The following COBL variants were observed in gnomAD, a reference collection of about 807,000 sequenced individuals.
COBL encodes the protein protein cordon-bleu.
A neutral mutation model predicts 98.8 loss-of-function variants in COBL; 51 were observed. The observed-to-expected ratio is 0.52, with a 90% CI of 0.41 to 0.65. COBL has a LOEUF of 0.65. COBL is among the 30% of genes least tolerant of loss of function. The pLI, the probability that COBL is intolerant of heterozygous loss-of-function variation, is 0.00. For missense variants in COBL, 1,617 were observed against 1,617.5 expected, an observed-to-expected ratio of 1.00 and a Z score of 0.01; for synonymous variants, 634 against 651.7, an observed-to-expected ratio of 0.97 and a Z score of 0.41.
chr7:51,306,183 G>A (rs1802458006), intron 1 of COBL, among the ~76,000 whole-genome samples: 1 of 152,160 alleles, frequency 6.6e-6, no homozygotes, highest in East Asian at 1.9e-4. Context: ...GAGGCGGCTT[G>A]GAAGTGCCAC....
intron 6 of COBL, among the ~76,000 whole-genome samples, chr7:51,118,693 T>A (rs750206097): frequency 5.3e-5 from 8 of 152,182 alleles, no homozygotes; most frequent in Admixed American, 3.3e-4. Context: ...TTTACGCTTC[T>A]ATAATCTGGG....
chr7:51,237,483 G>A (rs781039544), intron 1 of COBL, among the ~76,000 whole-genome samples: 7 of 148,274 alleles, frequency 4.7e-5, no homozygotes, highest in African/African-American at 1.2e-4. Flanking sequence ...TTACTTTTAC[G>A]GTTTGCCGAT....
intron 6 of COBL, among the ~76,000 whole-genome samples, chr7:51,089,026 G>A (rs974055651): frequency 1.3e-5 from 2 of 152,162 alleles, no homozygotes; most frequent in South Asian, 2.1e-4. Context: ...GCAGGCAGGG[G>A]TATGGAGATC....
chr7:51,018,863 C>G (rs1173732601), intron 12 of COBL, among the ~76,000 whole-genome samples: 2 of 114,670 alleles, frequency 1.7e-5, no homozygotes, highest in African/African-American at 3.2e-5. Context: ...TGCACTCCAG[C>G]CTGGGCAACA....
intron 6 of COBL, among the ~76,000 whole-genome samples, chr7:51,133,832 C>T (rs1190347207): frequency 1.3e-5 from 2 of 152,136 alleles, no homozygotes; most frequent in East Asian, 3.8e-4. Context: ...AATCAGGTGA[C>T]AAATACTAAC....
chr7:51,074,091 C>T lies in COBL; in HGVS notation c.1096+11075G>A, dbSNP rs575414075. On this transcript the variant is annotated intron_variant, in intron 7 of 12. Transcript: ENST00000265136. ...GCCATGCCTGAGTGCACATCAGCAC[C>T]CAAAACCTCCTGAGACAAACAGTTT... 2.6e-5 allele frequency among the ~76,000 whole-genome samples: 4 copies of T among 152,016 alleles called. No homozygotes were observed. The East Asian group carries it at 7.7e-4, about 29-fold the overall frequency.
intron 7 of COBL, among the ~76,000 whole-genome samples, chr7:51,062,563 A>G (rs1396404831): frequency 6.6e-6 from 1 of 152,234 alleles, no homozygotes; most frequent in Non-Finnish European, 1.5e-5. Flanking sequence ...AAACTAGACC[A>G]GTTTAAGACC....
intron 8 of COBL, chr7:51,031,682 C>T (rs1788162561): frequency 6.6e-6 from 1 of 152,280 alleles, no homozygotes; most frequent in Non-Finnish European, 1.5e-5. Context: ...CACTCCTCTA[C>T]TATAAATGAC....
chr7:51,300,703 G>A (rs771002788), intron 1 of COBL, among the ~76,000 whole-genome samples: 2 of 152,182 alleles, frequency 1.3e-5, no homozygotes, highest in Non-Finnish European at 1.5e-5. Context: ...GCTCTGGAGA[G>A]GAAATGATAA....
chr7:51,028,006 C>G lies in COBL; in HGVS notation c.3090G>C (p.Gln1030His), dbSNP rs1562811091. Reference sequence around the variant, plus strand: ...CATTGACCAGCTCCCTGCTGCAGGCCTGAGTGTCAGATGTGTGTGGAGGGG... The same window carrying G: ...CATTGACCAGCTCCCTGCTGCAGGCGTGAGTGTCAGATGTGTGTGGAGGGG... ...DPPPPHTSDTQACSRELVNGS... is the reference protein window; with the variant it reads ...DPPPPHTSDTHACSRELVNGS... Residue 1030 changes from glutamine to histidine, a missense_variant, in exon 10 of 13, where the codon CAG (glutamine) becomes CAC (histidine). Gln to His is a conservative substitution (Grantham distance 24). Transcript: ENST00000265136. 4 of 1,602,946 alleles carry G rather than the reference C, an allele frequency of 2.5e-6. No individual in the cohort carries two copies. Among genetic ancestry groups the G allele is most frequent in the Non-Finnish European group, 2.6e-6 (3 of 1,174,072 alleles).
In COBL at chr7:51,061,950, TAC is replaced by T. The variant is rs3047134; in HGVS notation, c.1097-18260_1097-18259del. On this transcript the variant is annotated intron_variant, in intron 7 of 12. Transcript: ENST00000265136. The stretch of plus-strand genomic sequence containing the variant: ...AAAAAAAATCTCTCCCCACCATAGA[TAC>T]ACACACACACACACACACACACACA... 0.011 allele frequency among the ~76,000 whole-genome samples: 1,612 copies of T among 145,508 alleles called. 104 individuals carry two copies. The East Asian group carries it at 0.18, about 16-fold the overall frequency.
chr7:51,275,069 C>A (rs1190260658), intron 1 of COBL, among the ~76,000 whole-genome samples: 1 of 152,208 alleles, frequency 6.6e-6, no homozygotes, highest in East Asian at 1.9e-4. Context: ...CAGTGAGAAG[C>A]AACAAAGACA....
intron 1 of COBL, among the ~76,000 whole-genome samples, chr7:51,272,022 G>A (rs531511205): frequency 6.6e-6 from 1 of 152,298 alleles, no homozygotes; most frequent in East Asian, 1.9e-4. Flanking sequence ...GAGCAAGACT[G>A]TCTCAATATA....
intron 6 of COBL, among the ~76,000 whole-genome samples, chr7:51,124,985 C>T (rs1798073826): frequency 6.6e-6 from 1 of 152,016 alleles, no homozygotes; most frequent in African/African-American, 2.4e-5. Context: ...CTAATTTCTT[C>T]GTATTTTTAG....
chr7:51,300,082 C>A (rs1179875258), intron 1 of COBL, among the ~76,000 whole-genome samples: 1 of 152,206 alleles, frequency 6.6e-6, no homozygotes, highest in Non-Finnish European at 1.5e-5. Flanking sequence ...CCTTACTTCC[C>A]TATTACATGT....
At position 51,309,250 on chromosome 7, in the gene COBL, G is replaced by A. The variant is rs892669193; in HGVS notation, c.41+7343C>T. ...GGGACTTGTATGGCTGGCAGGTGGA[G>A]CACGAAAGGACGGGGTGCATCTCCC... On this transcript the variant is annotated intron_variant, in intron 1 of 12. Coordinates refer to ENST00000265136, the MANE Select transcript of COBL (RefSeq NM_015198.5). Among the ~76,000 whole-genome samples, 3 of 152,150 alleles carry A rather than the reference G, an allele frequency of 2.0e-5. No individual in the cohort carries two copies. In the East Asian group the frequency reaches 5.8e-4, roughly 29 times the overall value.
chr7:51,069,954 C>A (rs545699431), intron 7 of COBL, among the ~76,000 whole-genome samples: 1 of 152,150 alleles, frequency 6.6e-6, no homozygotes, highest in Non-Finnish European at 1.5e-5. Context: ...TAGATCTAAT[C>A]TCTTTTGGGG....
chr7:51,136,169 C>G lies in COBL; in HGVS notation c.946G>C (p.Ala316Pro), dbSNP rs2129006502. The change falls in exon 6 of 13, where the codon GCA (alanine) becomes CCA (proline). Residue 316 changes from alanine (A) to proline (P), a missense_variant. By Grantham distance (27) the Ala-to-Pro change is conservative. Coordinates refer to ENST00000265136, the MANE Select transcript of COBL (RefSeq NM_015198.5). ...GCCCACTGCCCTACCTTTTCCGATGCCTTGTCTTGCACAGGTGGCCCTGAA... is the reference window on the plus strand; with the variant it reads ...GCCCACTGCCCTACCTTTTCCGATGGCTTGTCTTGCACAGGTGGCCCTGAA... Reference protein sequence around the residue: ...PGSGPPVQDKASEKVSLGSQI... With the variant: ...PGSGPPVQDKPSEKVSLGSQI... The G allele has an allele frequency of 6.2e-7, 1 of 1,611,454 alleles. No homozygotes were observed.
At chr7:51,129,309 C>T (rs554159177) in intron 6 of COBL, among the ~76,000 whole-genome samples, 1 of 151,766 alleles carries the variant, frequency 6.6e-6, no homozygotes, top group South Asian at 2.1e-4. Context: ...TTTGCGCTCA[C>T]ATGGTGGAAG....
Sources: gnomAD v4.1 joint callset for allele counts (sites outside exome capture counted in the v4.1 genomes callset) on GRCh38, gnomAD v4.1.1 for gene constraint, MANE v1.5 for transcripts, NCBI Gene and HGNC (gene_info 2026-07-23, HGNC 2026-07-21) for gene names.